Variants in CDH12 observed in about 807,000 individuals in gnomAD.
CDH12 encodes cadherin 12, also known as cadherin-12.
In CDH12, 41 loss-of-function variants were observed where a neutral mutation model predicts 74.1. The ratio of observed to expected loss-of-function variants is 0.55; its 90% CI spans 0.43 to 0.72. CDH12 has a LOEUF of 0.72. Ranked by LOEUF, CDH12 falls within the 30% of genes least tolerant of loss-of-function variation. CDH12 has a pLI of 0.00. For synonymous variants in CDH12, 399 were observed against 355.0 expected (o/e 1.12, Z -1.39); for missense variants, 945 against 977.2 (o/e 0.97, Z 0.44).
intron 1 of CDH12, among the ~76,000 whole-genome samples, chr5:22,813,547 T>C (rs1003433431): frequency 1.3e-5 from 2 of 152,178 alleles, no homozygotes; most frequent in African/African-American, 4.8e-5. Flanking sequence ...AGTAAGGATT[T>C]TGCTTTAGAT....
At chr5:22,107,911 T>C (rs1744579839) in intron 4 of CDH12, among the ~76,000 whole-genome samples, 1 of 152,162 alleles carries the variant, frequency 6.6e-6, no homozygotes, top group Admixed American at 6.6e-5. Context: ...TAAGATGAGA[T>C]ACTATAAAGC....
At chr5:22,340,834 T>C (rs1233713449) in intron 3 of CDH12, among the ~76,000 whole-genome samples, 4 of 152,206 alleles carry the variant, frequency 2.6e-5, no homozygotes, top group Non-Finnish European at 5.9e-5. Context: ...CTTCATTTCA[T>C]TTATTCTTCA....
chr5:22,185,100 G>A (rs1279810005), intron 4 of CDH12, among the ~76,000 whole-genome samples: 2 of 151,682 alleles, frequency 1.3e-5, no homozygotes, highest in Admixed American at 1.3e-4. Flanking sequence ...CTAAAGATGT[G>A]TGCTTATAAA....
intron 1 of CDH12, among the ~76,000 whole-genome samples, chr5:22,700,243 C>T (rs1742644163): frequency 1.3e-5 from 2 of 152,114 alleles, no homozygotes; most frequent in African/African-American, 2.4e-5. Flanking sequence ...ACCCTCCAGA[C>T]CCTTCCCTAT....
chr5:21,998,848 T>A (rs933806929), intron 5 of CDH12, among the ~76,000 whole-genome samples: 4 of 152,164 alleles, frequency 2.6e-5, no homozygotes, highest in Non-Finnish European at 4.4e-5. Flanking sequence ...TTCTTTTCCT[T>A]CTCAAGGGAA....
rs554707799 is a variant in CDH12 at position 22,306,493 on chromosome 5, CACTTGCTAAAAAGA to C, written c.-332-93864_-332-93851del. The stretch of plus-strand genomic sequence containing the variant: ...TAGTCACAGAGGTTTTTAAACAACC[CACTTGCTAAAAAGA>C]AATTCTGTGTAACATCAAGAAATTT... On this transcript the variant is annotated intron_variant, in intron 3 of 14. Transcript: ENST00000382254. Among the ~76,000 whole-genome samples, 306 of 152,190 alleles carry C rather than the reference CACTTGCTAAAAAGA, an allele frequency of 2.0e-3. 3 individuals are homozygous for C. Among genetic ancestry groups the C allele is most frequent in the Middle Eastern group, 0.017 (5 of 294 alleles).
At chr5:22,439,377 A>T (rs1744531348) in intron 2 of CDH12, among the ~76,000 whole-genome samples, 1 of 152,070 alleles carries the variant, frequency 6.6e-6, no homozygotes, top group Non-Finnish European at 1.5e-5. Flanking sequence ...CATTAAATAA[A>T]CTTTAGGGAA....
In CDH12 at chr5:21,882,425, G is replaced by T. The variant is rs576010579; in HGVS notation, c.527-27635C>A. On this transcript the variant is annotated intron_variant, in intron 6 of 14. Coordinates refer to ENST00000382254, the MANE Select transcript of CDH12 (RefSeq NM_004061.5). Reference sequence around the variant, plus strand: ...AGGTTATTTGAACCAGACATAGATTGGCTGTATTGCTCTCATAATTTGGCA... The same window carrying T: ...AGGTTATTTGAACCAGACATAGATTTGCTGTATTGCTCTCATAATTTGGCA... Among the ~76,000 whole-genome samples the T allele has an allele frequency of 2.0e-5, 3 of 152,282 alleles. No individual in the cohort carries two copies. The South Asian group carries it at 6.2e-4, about 32-fold the overall frequency.
At chr5:22,764,435 A>G (rs567442869) in intron 1 of CDH12, among the ~76,000 whole-genome samples, 9 of 152,000 alleles carry the variant, frequency 5.9e-5, no homozygotes, top group Non-Finnish European at 1.2e-4. Context: ...TTCATACTTG[A>G]TTAATTGAAT....
chr5:22,767,989 T>C (rs778206128), intron 1 of CDH12, among the ~76,000 whole-genome samples: 5 of 151,914 alleles, frequency 3.3e-5, no homozygotes, highest in Non-Finnish European at 5.9e-5. Flanking sequence ...TACAACTCAA[T>C]GTGATTATGA....
chr5:22,651,213 C>T (rs35360135), intron 1 of CDH12, among the ~76,000 whole-genome samples: 23,390 of 152,004 alleles, frequency 0.15, 2,286 homozygotes, highest in Admixed American at 0.33. Context: ...ATGCAAACTA[C>T]CTCTTCCCTC....
chr5:21,823,487 TTGA>T (rs1252867489), intron 8 of CDH12, among the ~76,000 whole-genome samples: 1 of 152,088 alleles, frequency 6.6e-6, no homozygotes, highest in Non-Finnish European at 1.5e-5. Flanking sequence ...ACCCTAACTC[TTGA>T]TGATGATAAT....
At chr5:22,748,603 G>C (rs760883832) in intron 1 of CDH12, among the ~76,000 whole-genome samples, 31 of 152,066 alleles carry the variant, frequency 2.0e-4, no homozygotes, top group Admixed American at 5.2e-4. Flanking sequence ...AGGAAGAAAA[G>C]CACACTTTTA....
intron 2 of CDH12, among the ~76,000 whole-genome samples, chr5:22,494,353 C>G (rs1251621153): frequency 6.6e-6 from 1 of 152,122 alleles, no homozygotes; most frequent in Non-Finnish European, 1.5e-5. Flanking sequence ...GTATGCCCTA[C>G]AATGGAACAG....
intron 3 of CDH12, among the ~76,000 whole-genome samples, chr5:22,339,356 G>C (rs1051148634): frequency 1.3e-5 from 2 of 152,086 alleles, no homozygotes; most frequent in Non-Finnish European, 2.9e-5. Context: ...TGACTTTATT[G>C]GTCAAGGAGG....
chr5:22,361,740 C>A (rs1740809979), intron 3 of CDH12, among the ~76,000 whole-genome samples: 1 of 152,036 alleles, frequency 6.6e-6, no homozygotes, highest in Non-Finnish European at 1.5e-5. Flanking sequence ...AGATATAGAC[C>A]AATGGAACAG....
In CDH12 at chr5:22,443,481, T is replaced by C. The variant is rs998018806; in HGVS notation, c.-427-38130A>G. 6.6e-5 allele frequency among the ~76,000 whole-genome samples: 10 copies of C among 152,226 alleles called. No homozygotes were observed. The South Asian group carries it at 1.2e-3, about 19-fold the overall frequency. On this transcript the variant is annotated intron_variant, in intron 2 of 14. Coordinates refer to ENST00000382254, the MANE Select transcript of CDH12 (RefSeq NM_004061.5). Reference sequence around the variant, plus strand: ...TCTTAGGTAACAGCTGTCAATTGGGTGGTATATTGGCAATGTAAGATTTTT... The same window carrying C: ...TCTTAGGTAACAGCTGTCAATTGGGCGGTATATTGGCAATGTAAGATTTTT...
chr5:22,372,050 C>T (rs1484531138), intron 3 of CDH12, among the ~76,000 whole-genome samples: 1 of 152,098 alleles, frequency 6.6e-6, no homozygotes, highest in African/African-American at 2.4e-5. Context: ...AGACAAGAGG[C>T]TAATACACGT....
At chr5:22,515,585 C>T (rs901849785) in intron 1 of CDH12, among the ~76,000 whole-genome samples, 4 of 151,908 alleles carry the variant, frequency 2.6e-5, no homozygotes, top group Non-Finnish European at 5.9e-5. Context: ...AAGGGAGAGC[C>T]TTGAAACACA....
Sources: gnomAD v4.1 joint callset for allele counts (sites outside exome capture counted in the v4.1 genomes callset) on GRCh38, gnomAD v4.1.1 for gene constraint, MANE v1.5 for transcripts, NCBI Gene and HGNC (gene_info 2026-07-23, HGNC 2026-07-21) for gene names.